The following GRIN2B variants were observed in gnomAD, a reference collection of about 807,000 sequenced individuals.
GRIN2B encodes glutamate receptor ionotropic, NMDA 2B.
GRIN2B carries 5 observed loss-of-function variants against 114.5 expected under a neutral mutation model. The ratio of observed to expected loss-of-function variants is 0.04; its 90% CI spans 0.02 to 0.09. GRIN2B has a LOEUF of 0.09. Ranked by LOEUF, GRIN2B falls within the 10% of genes least tolerant of loss-of-function variation. The pLI, the probability that GRIN2B is intolerant of heterozygous loss-of-function variation, is 1.00. For synonymous variants in GRIN2B, 787 were observed against 745.1 expected (o/e 1.06, Z -0.92); for missense variants, 1,108 against 1,943.5 (o/e 0.57, Z 8.08).
intron 4 of GRIN2B, among the ~76,000 whole-genome samples, chr12:13,690,804 G>A (rs1950210607): frequency 6.6e-6 from 1 of 152,048 alleles, no homozygotes; most frequent in Admixed American, 6.6e-5. Flanking sequence ...TGCAGTTTGT[G>A]GCTATGATTT....
chr12:13,723,803 T>C (rs1293429265), intron 4 of GRIN2B, among the ~76,000 whole-genome samples: 1 of 152,114 alleles, frequency 6.6e-6, no homozygotes. Context: ...TCAATACATT[T>C]TCAAGTCTTA....
At chr12:13,587,876 G>C (rs1948951599) in intron 10 of GRIN2B, among the ~76,000 whole-genome samples, 1 of 152,140 alleles carries the variant, frequency 6.6e-6, no homozygotes, top group Non-Finnish European at 1.5e-5. Context: ...TTTCACACCT[G>C]TTTGGTTGGT....
At chr12:13,668,263 C>T (rs1441452647) in intron 5 of GRIN2B, among the ~76,000 whole-genome samples, 1 of 152,172 alleles carries the variant, frequency 6.6e-6, no homozygotes, top group Non-Finnish European at 1.5e-5. Flanking sequence ...TTATCTTGTT[C>T]TTTTATCCTT....
At chr12:13,714,408 A>G (rs1384928795) in intron 4 of GRIN2B, among the ~76,000 whole-genome samples, 1 of 151,904 alleles carries the variant, frequency 6.6e-6, no homozygotes, top group Non-Finnish European at 1.5e-5. Flanking sequence ...GCAAAGCTGG[A>G]GAGAAATAGT....
chr12:13,631,536 A>G (rs1225855223), intron 5 of GRIN2B, among the ~76,000 whole-genome samples: 7 of 152,202 alleles, frequency 4.6e-5, no homozygotes, highest in Admixed American at 4.6e-4. Context: ...AAGAAAAAAA[A>G]GAAAAATACT....
chr12:13,803,387 T>C (rs1016271033), intron 3 of GRIN2B, among the ~76,000 whole-genome samples: 3 of 152,116 alleles, frequency 2.0e-5, no homozygotes, highest in African/African-American at 7.2e-5. Context: ...TACTGGGCTG[T>C]GTTCTGTGCA....
At position 13,547,981 on chromosome 12, in the gene GRIN2B, A is replaced by ATATATATATATATATTTT; in HGVS notation, c.*14801_*14802insAAAATATATATATATATA. 1.8e-4 allele frequency: 12 copies of ATATATATATATATATTTT among 68,506 alleles called. No homozygotes were observed. The highest frequency in any genetic ancestry group is 2.0e-4 in the Non-Finnish European group (7 of 34,332). The allele number at this position is 68,506 out of a possible 1,614,324, so 4.2% of individuals were successfully genotyped here. A position where few individuals can be genotyped will look rare whatever the true frequency, so the allele number is the denominator to read the frequency against. On this transcript the variant is annotated 3_prime_UTR_variant, in exon 14 of 14. Transcript: ENST00000609686. The stretch of plus-strand genomic sequence containing the variant: ...TGTGTATATATATATATATATATAT[A>ATATATATATATATATTTT]TTTTTTTTTTTTTTCTGAAAGCTAC...
At chr12:13,802,903 G>C (rs12815392) in intron 3 of GRIN2B, among the ~76,000 whole-genome samples, 10,300 of 151,996 alleles carry the variant, frequency 0.068, 515 homozygotes, top group East Asian at 0.16. Context: ...GTTAACTCGG[G>C]AACACACAGG....
intron 4 of GRIN2B, among the ~76,000 whole-genome samples, chr12:13,744,798 G>A (rs80257599): frequency 9.2e-5 from 14 of 152,244 alleles, no homozygotes; most frequent in African/African-American, 2.6e-4. Flanking sequence ...CAGTCTGGGC[G>A]AGCTAACCCC....
chr12:13,738,013 C>G lies in GRIN2B; in HGVS notation c.1010+15304G>C, dbSNP rs965712825. ...GGGCTCGGTCAGAACCACAAAAATG[C>G]CACACATTACACATCCACCTACAAA... On this transcript the variant is annotated intron_variant, in intron 4 of 13. Transcript: ENST00000609686. Among the ~76,000 whole-genome samples, 7 of 152,158 alleles carry G rather than the reference C, an allele frequency of 4.6e-5. No individual in the cohort carries two copies. In the East Asian group the frequency reaches 1.3e-3, roughly 29 times the overall value.
chr12:13,662,880 G>A (rs1469893756), intron 5 of GRIN2B, among the ~76,000 whole-genome samples: 1 of 152,142 alleles, frequency 6.6e-6, no homozygotes. Context: ...TTAATGGCTG[G>A]AAAATAAAAT....
At position 13,866,115 on chromosome 12, in the gene GRIN2B, G is replaced by A. The variant is rs1383833874; in HGVS notation, c.94C>T (p.Pro32Ser). ...ATGACAGCAATGCCAATGCTGGGGGGGCTCTTCTGAGAACGAGCTCTGCTG... is the reference window on the plus strand; with the variant it reads ...ATGACAGCAATGCCAATGCTGGGGGAGCTCTTCTGAGAACGAGCTCTGCTG... ...SGSRARSQKS[P>S]PSIGIAVILV... is the part of the protein sequence containing the mutation. Residue 32 changes from proline (P) to serine (S), a missense_variant, in exon 3 of 14, where the codon CCC becomes TCC. Around this residue, in one of 19 missense-constraint regions of GRIN2B, gnomAD observed 46 missense variants for 44.4 expected, o/e 1.04. Transcript: ENST00000609686. 5 of 1,613,882 alleles carry A rather than the reference G, an allele frequency of 3.1e-6. No homozygotes were observed. In the South Asian group the frequency reaches 3.3e-5, roughly 11 times the overall value.
chr12:13,849,186 C>A (rs1382153592), intron 3 of GRIN2B, among the ~76,000 whole-genome samples: 3 of 151,912 alleles, frequency 2.0e-5, no homozygotes, highest in Admixed American at 2.0e-4. Flanking sequence ...GGCAAGCAGG[C>A]AAGCAGGACA....
intron 2 of GRIN2B, among the ~76,000 whole-genome samples, chr12:13,961,431 G>A (rs1210683756): frequency 2.0e-5 from 3 of 152,092 alleles, no homozygotes; most frequent in Non-Finnish European, 4.4e-5. Flanking sequence ...AAGAATTGGA[G>A]GGCACATTTT....
At chr12:13,765,445 C>G (rs1490066747) in intron 3 of GRIN2B, among the ~76,000 whole-genome samples, 2 of 152,300 alleles carry the variant, frequency 1.3e-5, no homozygotes, top group East Asian at 3.9e-4. Flanking sequence ...GCAGATTAAG[C>G]TCTTTGGGTC....
chr12:13,638,856 G>C (rs1426932297), intron 5 of GRIN2B, among the ~76,000 whole-genome samples: 2 of 151,984 alleles, frequency 1.3e-5, no homozygotes, highest in Non-Finnish European at 2.9e-5. Context: ...TGAATTTTCT[G>C]GACATTACCC....
chr12:13,560,351 C>T lies in GRIN2B; in HGVS notation c.*2432G>A, dbSNP rs1409918352. 6.6e-6 allele frequency: 1 copy of T among 152,186 alleles called. No homozygotes were observed. The highest frequency in any genetic ancestry group is 1.5e-5 in the Non-Finnish European group (1 of 68,030). The allele number at this position is 152,186 out of a possible 1,614,324, so 9.4% of individuals were successfully genotyped here. On this transcript the variant is annotated 3_prime_UTR_variant, in exon 14 of 14. Coordinates refer to ENST00000609686, the MANE Select transcript of GRIN2B (RefSeq NM_000834.5). The stretch of plus-strand genomic sequence containing the variant: ...CACCCCACTCCCTCCAGCCCAACAC[C>T]CTGAATACTCACAAGAGAACACTTT...
chr12:13,885,821 A>C (rs1214972748), intron 2 of GRIN2B, among the ~76,000 whole-genome samples: 4 of 152,258 alleles, frequency 2.6e-5, no homozygotes, highest in Non-Finnish European at 4.4e-5. Flanking sequence ...GTAACGGTAT[A>C]TAGCTTAGTT....
intron 2 of GRIN2B, among the ~76,000 whole-genome samples, chr12:13,881,609 T>C (rs1297160148): frequency 6.6e-6 from 1 of 152,236 alleles, no homozygotes; most frequent in Admixed American, 6.5e-5. Context: ...CATGCCCTTG[T>C]CATTTTCGTT....
Sources: allele counts gnomAD v4.1 joint callset (sites outside exome capture counted in the v4.1 genomes callset), GRCh38; gene constraint gnomAD v4.1.1; regional missense constraint gnomAD v4.1.1; transcripts MANE v1.5; gene names NCBI Gene and HGNC (gene_info 2026-07-23, HGNC 2026-07-21).